The following HFM1 variants were observed in gnomAD, a reference collection of about 807,000 sequenced individuals.
HFM1 encodes probable ATP-dependent DNA helicase HFM1.
A neutral mutation model predicts 192.1 loss-of-function variants in HFM1; 169 were observed. That is an observed-to-expected ratio of 0.88 (90% CI 0.78 to 1.00). The LOEUF is 1.00. Ranked by LOEUF, HFM1 falls within the 50% of genes least tolerant of loss-of-function variation. The pLI is 0.00. For missense variants in HFM1, 1,661 were observed against 1,668.0 expected (o/e 1.00, Z 0.07); for synonymous variants, 525 against 537.8 (o/e 0.98, Z 0.33).
chr1:91,386,459 T>C (rs1662227500), intron 4 of HFM1, among the ~76,000 whole-genome samples: 2 of 152,192 alleles, frequency 1.3e-5, no homozygotes, highest in Non-Finnish European at 2.9e-5. Flanking sequence ...AGGCCCCCAA[T>C]ACCTTTACGC....
intron 5 of HFM1, among the ~76,000 whole-genome samples, 155 bp from the exon 6 acceptor site, chr1:91,385,389 A>G (rs1662073673): frequency 1.3e-5 from 2 of 152,224 alleles, no homozygotes; most frequent in African/African-American, 4.8e-5. Flanking sequence ...AAATATTTTT[A>G]GCACACAGGA....
At chr1:91,404,578 C>T (rs968527649) in intron 1 of HFM1, 4 of 259,918 alleles carry the variant, frequency 1.5e-5, no homozygotes, top group Admixed American at 1.2e-4. Context: ...CCGCAGGCCT[C>T]ACCGCTTTCT....
chr1:91,303,343 A>C (rs1649124857), intron 30 of HFM1, among the ~76,000 whole-genome samples: 1 of 152,174 alleles, frequency 6.6e-6, no homozygotes, highest in Non-Finnish European at 1.5e-5. Context: ...AGCATGCATC[A>C]GTAGTTTTTC....
intron 30 of HFM1, among the ~76,000 whole-genome samples, chr1:91,302,263 C>A (rs915679680): frequency 6.6e-6 from 1 of 151,430 alleles, no homozygotes; most frequent in Non-Finnish European, 1.5e-5. Flanking sequence ...GAATGGTGAT[C>A]ATTAAAAAGT....
chr1:91,387,767 G>A (rs1662411795), intron 4 of HFM1, among the ~76,000 whole-genome samples: 2 of 134,018 alleles, frequency 1.5e-5, no homozygotes, highest in South Asian at 5.7e-4. Flanking sequence ...GGACTGTGGT[G>A]GGGTCGGGGG....
intron 1 of HFM1, among the ~76,000 whole-genome samples, chr1:91,403,021 A>T (rs1664466526): frequency 6.6e-6 from 1 of 150,534 alleles, no homozygotes; most frequent in Non-Finnish European, 1.5e-5. Flanking sequence ...GAATAAAAAT[A>T]TCATGTACAT....
intron 23 of HFM1, among the ~76,000 whole-genome samples, chr1:91,321,625 A>G (rs549071367): frequency 2.6e-5 from 4 of 152,246 alleles, no homozygotes; most frequent in Admixed American, 6.5e-5. Context: ...ATCACCTACC[A>G]AAAGACTATA....
At chr1:91,367,813 G>T (rs1479467269) in intron 13 of HFM1, among the ~76,000 whole-genome samples, 1 of 152,076 alleles carries the variant, frequency 6.6e-6, no homozygotes, top group Non-Finnish European at 1.5e-5. Context: ...CAAGCTAAAG[G>T]AGGAAGTTTG....
intron 30 of HFM1, among the ~76,000 whole-genome samples, chr1:91,292,161 T>C (rs947163783): frequency 2.0e-5 from 3 of 151,276 alleles, no homozygotes; most frequent in African/African-American, 4.9e-5. Context: ...ATGCCCTCTC[T>C]CACCACTCCT....
intron 13 of HFM1, among the ~76,000 whole-genome samples, chr1:91,373,249 C>T (rs958264149): frequency 6.6e-6 from 1 of 151,982 alleles, no homozygotes; most frequent in African/African-American, 2.4e-5. Flanking sequence ...AAGGAACAGA[C>T]TGGTAATTGG....
intron 19 of HFM1, among the ~76,000 whole-genome samples, chr1:91,345,061 C>T (rs1388146085): frequency 6.6e-6 from 1 of 152,100 alleles, no homozygotes; most frequent in Non-Finnish European, 1.5e-5. Flanking sequence ...ATGTATTTCT[C>T]ATAAACGCTA....
chr1:91,275,050 T>A (rs1187671591), intron 32 of HFM1, among the ~76,000 whole-genome samples: 1 of 147,246 alleles, frequency 6.8e-6, no homozygotes, highest in South Asian at 2.2e-4. Context: ...AGTGGTATAA[T>A]CTCAGCTCAC....
Position 91,355,637 on chromosome 1 carries a change from G to A in HFM1, c.1686-2338C>T, listed in dbSNP as rs193004412. On this transcript the variant is annotated intron_variant, in intron 13 of 38. Transcript: ENST00000370425. The stretch of plus-strand genomic sequence containing the variant: ...GAGGCAAAGAAGGTCATAATTTAAC[G>A]ACAAAGGGGTCAATTCATCAAGAGC... 7.6e-3 allele frequency among the ~76,000 whole-genome samples: 1,151 copies of A among 152,178 alleles called. 12 individuals carry two copies. Among genetic ancestry groups the A allele is most frequent in the Non-Finnish European group, 0.01 (708 of 67,972 alleles).
chr1:91,385,929 C>T, intron 4 of HFM1, 95 bp from the exon 5 acceptor site: 1 of 978,686 alleles, frequency 1.0e-6, no homozygotes, highest in Admixed American at 2.4e-5. Context: ...TAAAAACACT[C>T]ATAGATTATG....
At chr1:91,362,137 A>T (rs1346822629) in intron 13 of HFM1, among the ~76,000 whole-genome samples, 5 of 152,188 alleles carry the variant, frequency 3.3e-5, no homozygotes, top group African/African-American at 1.2e-4. Context: ...CTGGCACAAG[A>T]AAAGGATCCC....
chr1:91,383,575 T>C (rs1279029403), intron 6 of HFM1, among the ~76,000 whole-genome samples: 1 of 152,194 alleles, frequency 6.6e-6, no homozygotes, highest in African/African-American at 2.4e-5. Context: ...TTCAGAATTA[T>C]GTCAGATGAT....
intron 1 of HFM1, among the ~76,000 whole-genome samples, chr1:91,402,803 G>A (rs1460807334): frequency 6.6e-6 from 1 of 152,014 alleles, no homozygotes; most frequent in Non-Finnish European, 1.5e-5. Flanking sequence ...CAGAATTTAA[G>A]TCAAAAATCT....
chr1:91,346,957 T>TA (rs1396457983), intron 19 of HFM1, among the ~76,000 whole-genome samples: 3 of 151,806 alleles, frequency 2.0e-5, no homozygotes, highest in Admixed American at 6.6e-5. Flanking sequence ...AACCCCTTTC[T>TA]AAAAAAAATA....
At chr1:91,364,632 A>ATATATATATTTTT (rs753472335) in intron 13 of HFM1, among the ~76,000 whole-genome samples, 82 of 66,762 alleles carry the variant, frequency 1.2e-3, no homozygotes, top group East Asian at 3.0e-3. Flanking sequence ...ATATATATAT[A>ATATATATATTTTT]TTTTTTTTTT....
Sources: gnomAD v4.1 joint callset for allele counts (sites outside exome capture counted in the v4.1 genomes callset) on GRCh38, gnomAD v4.1.1 for gene constraint, MANE v1.5 for transcripts, NCBI Gene and HGNC (gene_info 2026-07-23, HGNC 2026-07-21) for gene names.